SUPT3H: variants seen among roughly 807,000 people sequenced by gnomAD.
SUPT3H encodes the protein SPT3 homolog, SAGA and STAGA complex component, also known as transcription initiation protein SPT3 homolog.
In SUPT3H, 44 loss-of-function variants were observed where a neutral mutation model predicts 44.3. The observed-to-expected ratio is 0.99, with a 90% CI of 0.78 to 1.28. SUPT3H has a LOEUF of 1.28. Among genes scored for constraint, SUPT3H ranks in the 50% most tolerant of loss-of-function variants. The pLI is 0.00. For synonymous variants in SUPT3H, 124 were observed against 125.6 expected, an observed-to-expected ratio of 0.99 and a Z score of 0.09; for missense variants, 380 against 387.1, an observed-to-expected ratio of 0.98 and a Z score of 0.15.
chr6:44,975,199 C>T (rs9369525), intron 6 of SUPT3H, among the ~76,000 whole-genome samples: 149,126 of 152,222 alleles, frequency 0.98, 73,056 homozygotes, highest in Middle Eastern at 1. Flanking sequence ...ACAAAAAAGA[C>T]GACCAGTTTA....
intron 6 of SUPT3H, among the ~76,000 whole-genome samples, chr6:44,995,566 T>C (rs79783137): frequency 6.6e-6 from 1 of 152,190 alleles, no homozygotes; most frequent in Non-Finnish European, 1.5e-5. Context: ...CTTCTCTAGA[T>C]GAGAAAAAAT....
At chr6:45,250,382 A>G (rs72858511) in intron 2 of SUPT3H, among the ~76,000 whole-genome samples, 32,719 of 148,474 alleles carry the variant, frequency 0.22, 4,297 homozygotes, top group Non-Finnish European at 0.31. Context: ...ATAAAACAAT[A>G]AAAAATAAAA....
chr6:45,293,873 G>A (rs1780697375), intron 2 of SUPT3H, among the ~76,000 whole-genome samples: 1 of 151,968 alleles, frequency 6.6e-6, no homozygotes, highest in African/African-American at 2.4e-5. Context: ...AAAAGTCCAG[G>A]ACCAGATGGA....
rs566266940 is a variant in SUPT3H at position 45,000,085 on chromosome 6, CACAG to C, written c.504+3564_504+3567del. The stretch of plus-strand genomic sequence containing the variant: ...GTATATACACATATAAATGTATATA[CACAG>C]ATATATACATACATGTATTTATTAT... On this transcript the variant is annotated intron_variant, in intron 6 of 10. Coordinates refer to ENST00000371459, the MANE Select transcript of SUPT3H (RefSeq NM_003599.4). 2.5e-3 allele frequency among the ~76,000 whole-genome samples: 374 copies of C among 150,140 alleles called. 2 individuals carry two copies. The highest frequency in any genetic ancestry group is 8.4e-3 in the African/African-American group (334 of 39,882).
chr6:45,011,923 G>A (rs566713657), intron 5 of SUPT3H, among the ~76,000 whole-genome samples: 5 of 151,714 alleles, frequency 3.3e-5, no homozygotes, highest in African/African-American at 1.2e-4. Flanking sequence ...ATTCATTTTT[G>A]AAAGATAGTT....
intron 3 of SUPT3H, among the ~76,000 whole-genome samples, chr6:45,033,084 C>T (rs1787187212): frequency 6.6e-6 from 1 of 151,740 alleles, no homozygotes. Flanking sequence ...AACAAAAAAG[C>T]AAATATAAGA....
At chr6:44,884,296 A>G (rs898770777) in intron 10 of SUPT3H, among the ~76,000 whole-genome samples, 1 of 152,208 alleles carries the variant, frequency 6.6e-6, no homozygotes, top group African/African-American at 2.4e-5. Flanking sequence ...AAATCAAACC[A>G]TAATGAGATA....
At chr6:45,346,230 T>C (rs1336438693) in intron 2 of SUPT3H, among the ~76,000 whole-genome samples, 1 of 152,166 alleles carries the variant, frequency 6.6e-6, no homozygotes, top group East Asian at 1.9e-4. Flanking sequence ...TATGTAAATA[T>C]ATATAATTCT....
chr6:45,245,798 A>G (rs1280154270), intron 2 of SUPT3H, among the ~76,000 whole-genome samples: 1 of 152,136 alleles, frequency 6.6e-6, no homozygotes. Flanking sequence ...TGGGTATATA[A>G]CCAGAAATAC....
chr6:45,192,815 T>G (rs976569103), intron 2 of SUPT3H, among the ~76,000 whole-genome samples: 1 of 151,916 alleles, frequency 6.6e-6, no homozygotes, highest in African/African-American at 2.4e-5. Context: ...CTACAACAAA[T>G]AAAGAAAATC....
At chr6:45,303,413 C>A (rs1201023236) in intron 2 of SUPT3H, among the ~76,000 whole-genome samples, 1 of 151,994 alleles carries the variant, frequency 6.6e-6, no homozygotes, top group East Asian at 1.9e-4. Context: ...GGAACTCAAG[C>A]AAATTAGCAA....
At chr6:45,248,361 G>A (rs1478509821) in intron 2 of SUPT3H, among the ~76,000 whole-genome samples, 1 of 151,902 alleles carries the variant, frequency 6.6e-6, no homozygotes, top group Admixed American at 6.6e-5. Flanking sequence ...ACTTCTAAAG[G>A]ACTGGTATCC....
At chr6:45,204,283 C>G (rs201361161) in intron 2 of SUPT3H, among the ~76,000 whole-genome samples, 13 of 43,172 alleles carry the variant, frequency 3.0e-4, no homozygotes, top group South Asian at 1.9e-3. Flanking sequence ...AGAAGAAGAA[C>G]CACCTGTATC....
At chr6:44,966,779 A>C (rs985669706) in intron 6 of SUPT3H, among the ~76,000 whole-genome samples, 1 of 152,250 alleles carries the variant, frequency 6.6e-6, no homozygotes, top group African/African-American at 2.4e-5. Flanking sequence ...AACAAAAAAG[A>C]CATCATATCA....
intron 10 of SUPT3H, among the ~76,000 whole-genome samples, chr6:44,924,720 A>G (rs1343330166): frequency 6.6e-6 from 1 of 152,100 alleles, no homozygotes; most frequent in Non-Finnish European, 1.5e-5. Context: ...TTCTTATATG[A>G]TAAATATGCT....
chr6:44,809,804 C>T lies in SUPT3H; in HGVS notation c.*53-303G>A, dbSNP rs147492417. Among the ~76,000 whole-genome samples, 936 of 152,220 alleles carry T rather than the reference C, an allele frequency of 6.1e-3. 10 individuals are homozygous for T. Among genetic ancestry groups the T allele is most frequent in the Middle Eastern group, 0.034 (10 of 294 alleles). On this transcript the variant is annotated intron_variant and NMD_transcript_variant, in intron 11 of 11. Coordinates refer to the SUPT3H transcript ENST00000475057. ...AGGAGTAAAAAATATGTCTTAAAGT[C>T]ATCTAGTAGAACTTCAATGCTCCCA...
intron 2 of SUPT3H, among the ~76,000 whole-genome samples, chr6:45,359,090 C>T (rs1191702877): frequency 6.6e-6 from 1 of 152,092 alleles, no homozygotes; most frequent in Non-Finnish European, 1.5e-5. Flanking sequence ...CTGGTAATTA[C>T]ACATATAATC....
intron 10 of SUPT3H, among the ~76,000 whole-genome samples, chr6:44,839,764 C>T (rs931552654): frequency 9.2e-5 from 14 of 151,538 alleles, no homozygotes; most frequent in African/African-American, 3.2e-4. Flanking sequence ...TGCAGTGGCG[C>T]CATCTCGGCT....
intron 10 of SUPT3H, among the ~76,000 whole-genome samples, chr6:44,928,247 G>C (rs1769848964): frequency 6.6e-6 from 1 of 152,128 alleles, no homozygotes; most frequent in African/African-American, 2.4e-5. Context: ...AAGATGGCAA[G>C]CATCAAAATC....
Sources: gnomAD v4.1 joint callset for allele counts (sites outside exome capture counted in the v4.1 genomes callset) on GRCh38, gnomAD v4.1.1 for gene constraint, MANE v1.5 for transcripts, NCBI Gene and HGNC (gene_info 2026-07-23, HGNC 2026-07-21) for gene names.